JAKMIP3: variants seen among roughly 807,000 people sequenced by gnomAD.
JAKMIP3 encodes the protein janus kinase and microtubule-interacting protein 3.
In JAKMIP3, 58 loss-of-function variants were observed where a neutral mutation model predicts 118.5. The observed-to-expected ratio is 0.49, with a 90% CI of 0.40 to 0.61. The LOEUF is 0.61. Ranked by LOEUF, JAKMIP3 falls within the 20% of genes least tolerant of loss-of-function variation. The pLI is 0.00. For synonymous variants in JAKMIP3, 486 were observed against 451.2 expected, an observed-to-expected ratio of 1.08 and a Z score of -0.98; for missense variants, 950 against 1,109.0, an observed-to-expected ratio of 0.86 and a Z score of 2.04.
intron 1 of JAKMIP3, among the ~76,000 whole-genome samples, chr10:132,051,066 G>A (rs7081540): frequency 0.15 from 21,597 of 143,426 alleles, 739 homozygotes; most frequent in Middle Eastern, 0.21. Context: ...TGGTTGGGGG[G>A]TACCTGCCTG....
At chr10:132,180,624 T>TGC (rs1319137751) in intron 23 of JAKMIP3, among the ~76,000 whole-genome samples, 258 of 18,070 alleles carry the variant, frequency 0.014, 47 homozygotes, top group African/African-American at 0.032. Flanking sequence ...TGCGTGTGTG[T>TGC]GCGTGTGTGC....
At chr10:132,102,539 G>A (rs1023496561) in intron 1 of JAKMIP3, among the ~76,000 whole-genome samples, 4 of 152,306 alleles carry the variant, frequency 2.6e-5, no homozygotes, top group Admixed American at 6.5e-5. Context: ...GGAGGCCGGC[G>A]GCCCTGCAGG....
intron 1 of JAKMIP3, among the ~76,000 whole-genome samples, chr10:132,093,037 CA>C (rs1427437811): frequency 6.6e-6 from 1 of 152,244 alleles, no homozygotes; most frequent in Non-Finnish European, 1.5e-5. Context: ...AGGTCCACTC[CA>C]GACCCTGTTT....
rs1428075319 is a variant in JAKMIP3 at position 132,180,780 on chromosome 10, T to TGCGC, written c.*1104-1576_*1104-1575insCGCG. Reference sequence around the variant, plus strand: ...GTGTGCGTGTGTGTGCGTGTGTGTGTGTGCGCGTATGCATGTGCTGTGAGT... The same window carrying TGCGC: ...GTGTGCGTGTGTGTGCGTGTGTGTGTGCGCGTGCGCGTATGCATGTGCTGTGAGT... On this transcript the variant is annotated intron_variant, in intron 23 of 23. Transcript: ENST00000684848. Among the ~76,000 whole-genome samples, 51 of 60,906 alleles carry TGCGC rather than the reference T, an allele frequency of 8.4e-4. 11 individuals carry two copies. The highest frequency in any genetic ancestry group is 3.7e-3 in the African/African-American group (51 of 13,768). 40.0% of individuals were successfully genotyped at this position (60,906 alleles called of 152,430 possible).
chr10:132,147,875 C>T (rs1199202127), intron 13 of JAKMIP3, 77 bp from the exon 14 acceptor site: 6 of 1,059,148 alleles, frequency 5.7e-6, no homozygotes, highest in Non-Finnish European at 5.5e-6. Context: ...GCTGTCCCGT[C>T]AGCCTGGAGT....
At chr10:132,126,889 A>AT in intron 3 of JAKMIP3, among the ~76,000 whole-genome samples, 1 of 152,156 alleles carries the variant, frequency 6.6e-6, no homozygotes, top group East Asian at 1.9e-4. Context: ...TGGATTTAGG[A>AT]TTTTTTCCCA....
intron 19 of JAKMIP3, among the ~76,000 whole-genome samples, chr10:132,161,467 C>T (rs372924599): frequency 1.1e-3 from 39 of 34,526 alleles, no homozygotes; most frequent in South Asian, 5.7e-3. Context: ...GTGATGCAGG[C>T]GGTGGCCTCT....
intron 1 of JAKMIP3, among the ~76,000 whole-genome samples, chr10:132,098,044 T>G (rs561179467): frequency 7.4e-5 from 11 of 149,202 alleles, no homozygotes; most frequent in Non-Finnish European, 1.3e-4. Flanking sequence ...TCTTTTCTCT[T>G]TCTTTTTTTG....
chr10:132,151,395 C>T (rs1272899758), intron 16 of JAKMIP3, among the ~76,000 whole-genome samples: 1 of 152,234 alleles, frequency 6.6e-6, no homozygotes, highest in East Asian at 1.9e-4. Context: ...CTCCCCTTGC[C>T]TGCCCAGCCC....
intron 1 of JAKMIP3, among the ~76,000 whole-genome samples, chr10:132,054,781 G>A (rs183432295): frequency 4.7e-4 from 71 of 152,322 alleles, no homozygotes; most frequent in Non-Finnish European, 3.5e-4. Flanking sequence ...CCCTGGGCTC[G>A]GGGACAGCTG....
intron 1 of JAKMIP3, among the ~76,000 whole-genome samples, chr10:132,052,357 TTG>T (rs750551998): frequency 5.3e-5 from 8 of 152,236 alleles, no homozygotes; most frequent in Non-Finnish European, 1.0e-4. Context: ...TATTTTGTCT[TTG>T]TGTTTCCTGC....
intron 9 of JAKMIP3, among the ~76,000 whole-genome samples, chr10:132,139,081 T>TGTGTGA (rs1435459971): frequency 1.4e-5 from 2 of 147,722 alleles, no homozygotes; most frequent in African/African-American, 5.0e-5. Flanking sequence ...TGTGTATGTG[T>TGTGTGA]GTGTGAGTGC....
At chr10:132,056,433 G>T (rs1474790346) in intron 1 of JAKMIP3, among the ~76,000 whole-genome samples, 1 of 152,172 alleles carries the variant, frequency 6.6e-6, no homozygotes, top group Non-Finnish European at 1.5e-5. Context: ...CCAGGTCTCA[G>T]GGTCCCATCT....
rs1241339204 is a variant in JAKMIP3, at chr10:132,140,608, G to A, written c.1473+29G>A. On this transcript the variant is annotated intron_variant, in intron 10 of 23. Transcript: ENST00000684848. ...ACGAGGGTCTCCTGCCGGGTCCTGG[G>A]CTTGGAGGAGGTAACGAGGGTCTCC... The A allele has an allele frequency of 2.2e-6, 3 of 1,341,198 alleles. No individual in the cohort carries two copies. In the South Asian group the frequency reaches 4.1e-5, roughly 18 times the overall value. 83.1% of individuals were successfully genotyped at this position (1,341,198 alleles called of 1,614,324 possible). A position where few individuals can be genotyped will look rare whatever the true frequency, so the allele number is the denominator to read the frequency against.
chr10:132,077,248 T>G (rs1463140379), intron 1 of JAKMIP3, among the ~76,000 whole-genome samples: 1 of 152,154 alleles, frequency 6.6e-6, no homozygotes, highest in East Asian at 1.9e-4. Flanking sequence ...GGGAGAGGGT[T>G]TGCTGTGCTT....
intron 22 of JAKMIP3, 129 bp from the exon 23 acceptor site, chr10:132,167,824 C>T (rs903016638): frequency 4.3e-6 from 2 of 468,884 alleles, no homozygotes; most frequent in Non-Finnish European, 7.1e-6. Context: ...ACCCCTCGGC[C>T]CTCACCCCTC....
intron 13 of JAKMIP3, 67 bp from the exon 14 acceptor site, chr10:132,147,885 T>G (rs913790816): frequency 8.5e-7 from 1 of 1,171,946 alleles, no homozygotes; most frequent in African/African-American, 1.5e-5. Context: ...CAGCCTGGAG[T>G]TGACCTCCCA....
At chr10:132,180,994 TGTG>T (rs147439723) in intron 23 of JAKMIP3, among the ~76,000 whole-genome samples, 16,849 of 151,670 alleles carry the variant, frequency 0.11, 1,222 homozygotes, top group Non-Finnish European at 0.15. Flanking sequence ...TGTAGTGTAT[TGTG>T]TGTACATGCA....
Position 132,179,921 on chromosome 10 carries a change from G to C in JAKMIP3, c.*1104-2436G>C, listed in dbSNP as rs565583452. Among the ~76,000 whole-genome samples, 4 of 152,280 alleles carry C rather than the reference G, an allele frequency of 2.6e-5. No homozygotes were observed. The highest frequency in any genetic ancestry group is 9.6e-5 in the African/African-American group (4 of 41,570). ...CCCTCCCATGCTCTTCCCCCTGTGAGGTGCACACGGGGCACACACTCCCTC... is the reference window on the plus strand; with the variant it reads ...CCCTCCCATGCTCTTCCCCCTGTGACGTGCACACGGGGCACACACTCCCTC... On this transcript the variant is annotated intron_variant, in intron 23 of 23. Transcript: ENST00000684848. This position sits in a 1 kb window ranked among gnomAD's most constrained non-coding sequence, Gnocchi z 4.3.
Sources: allele counts gnomAD v4.1 joint callset (sites outside exome capture counted in the v4.1 genomes callset), GRCh38; gene constraint gnomAD v4.1.1; non-coding constraint Gnocchi (gnomAD v3.1); transcripts MANE v1.5; gene names NCBI Gene and HGNC (gene_info 2026-07-23, HGNC 2026-07-21).